ATP8A1: variants seen among roughly 807,000 people sequenced by gnomAD.
ATP8A1 encodes the protein phospholipid-transporting ATPase IA.
Under a neutral mutation model 177.7 loss-of-function variants are expected in ATP8A1, and 90 were observed. The ratio of observed to expected loss-of-function variants is 0.51; its 90% CI spans 0.43 to 0.60. The LOEUF is 0.60. ATP8A1 is among the 20% of genes least tolerant of loss of function. The probability of loss-of-function intolerance (pLI) is 0.00; values close to 1 mark genes in which losing one functional copy is unlikely to be tolerated. For missense variants in ATP8A1, 1,072 were observed against 1,392.8 expected (o/e 0.77, Z 3.67); for synonymous variants, 493 against 485.9 (o/e 1.01, Z -0.19).
intron 1 of ATP8A1, among the ~76,000 whole-genome samples, chr4:42,636,654 G>A (rs1229007031): frequency 1.3e-5 from 2 of 152,052 alleles, no homozygotes; most frequent in African/African-American, 4.8e-5. Flanking sequence ...TCCCTGTACC[G>A]AGTGTTAATG....
chr4:42,615,910 T>C, intron 5 of ATP8A1, 123 bp downstream of exon 5: 1 of 838,858 alleles, frequency 1.2e-6, no homozygotes, highest in East Asian at 2.6e-5. Flanking sequence ...CAAAAATCAA[T>C]CTACCCCAAA....
chr4:42,656,389 A>G (rs1741621267), intron 1 of ATP8A1, among the ~76,000 whole-genome samples: 1 of 152,220 alleles, frequency 6.6e-6, no homozygotes, highest in Admixed American at 6.5e-5. Context: ...CCAAGGGACT[A>G]CGGATCAAAG....
At chr4:42,480,557 C>A (rs889309496) in intron 25 of ATP8A1, among the ~76,000 whole-genome samples, 3 of 152,134 alleles carry the variant, frequency 2.0e-5, no homozygotes, top group Admixed American at 2.0e-4. Flanking sequence ...TTCATTTGTG[C>A]TTTATGACTA....
intron 6 of ATP8A1, among the ~76,000 whole-genome samples, chr4:42,592,456 G>A (rs753352807): frequency 2.6e-5 from 4 of 152,036 alleles, no homozygotes; most frequent in Admixed American, 1.3e-4. Flanking sequence ...CAGTATAGTC[G>A]ATTATCTTCA....
chr4:42,472,051 G>A (rs955581949), intron 25 of ATP8A1: 7 of 720,106 alleles, frequency 9.7e-6, no homozygotes, highest in East Asian at 7.7e-5. Flanking sequence ...TGGCTAGTAC[G>A]TGAATTGGAG....
chr4:42,601,035 T>TTC (rs1383270721), intron 5 of ATP8A1, among the ~76,000 whole-genome samples: 10 of 110,038 alleles, frequency 9.1e-5, no homozygotes, highest in Non-Finnish European at 1.2e-4. Context: ...CAAATTTTCT[T>TTC]TTTTTTTTTT....
intron 33 of ATP8A1, among the ~76,000 whole-genome samples, chr4:42,439,789 G>T (rs1716416908): frequency 6.6e-6 from 1 of 152,144 alleles, no homozygotes; most frequent in Admixed American, 6.5e-5. Context: ...TACCTGCGAG[G>T]ACTGAGGGTC....
At chr4:42,463,462 C>A (rs768032255) in intron 27 of ATP8A1, among the ~76,000 whole-genome samples, 3 of 152,198 alleles carry the variant, frequency 2.0e-5, no homozygotes, top group Non-Finnish European at 4.4e-5. Flanking sequence ...GCCTCCCCAG[C>A]CATGTGGAAC....
At chr4:42,567,771 G>T (rs1731501900) in intron 15 of ATP8A1, among the ~76,000 whole-genome samples, 1 of 152,116 alleles carries the variant, frequency 6.6e-6, no homozygotes, top group South Asian at 2.1e-4. Context: ...GCTCTTTCCA[G>T]CACCAATAAA....
intron 24 of ATP8A1, among the ~76,000 whole-genome samples, chr4:42,491,467 T>C (rs1215210656): frequency 6.6e-6 from 1 of 152,140 alleles, no homozygotes; most frequent in Non-Finnish European, 1.5e-5. Flanking sequence ...TGGCAATCTT[T>C]TTCATTAATA....
chr4:42,636,641 C>A (rs192456101), intron 1 of ATP8A1, among the ~76,000 whole-genome samples: 146 of 152,294 alleles, frequency 9.6e-4, no homozygotes, highest in African/African-American at 3.3e-3. Context: ...CATTAATACA[C>A]CATCCCTGTA....
chr4:42,616,009 GA>G (rs1377627118), intron 5 of ATP8A1, 23 bp downstream of exon 5: 12 of 1,604,854 alleles, frequency 7.5e-6, no homozygotes, highest in Non-Finnish European at 9.4e-6. Flanking sequence ...ACAAATATGA[GA>G]AAAAAGCATG....
chr4:42,427,395 T>C (rs1714747346), intron 33 of ATP8A1, among the ~76,000 whole-genome samples: 1 of 152,184 alleles, frequency 6.6e-6, no homozygotes, highest in Non-Finnish European at 1.5e-5. Flanking sequence ...CAGCAAGTAA[T>C]TAACAACATG....
intron 5 of ATP8A1, among the ~76,000 whole-genome samples, chr4:42,600,861 C>T (rs1735176553): frequency 6.6e-6 from 1 of 151,938 alleles, no homozygotes. Flanking sequence ...ATTTCAGATG[C>T]TACAAGAGTA....
intron 4 of ATP8A1, among the ~76,000 whole-genome samples, chr4:42,621,816 T>C (rs1437863115): frequency 2.0e-5 from 3 of 152,190 alleles, no homozygotes; most frequent in Non-Finnish European, 4.4e-5. Flanking sequence ...TCAATTATGC[T>C]ACCCAACTTC....
chr4:42,629,763 A>C (rs1176441851), intron 1 of ATP8A1, among the ~76,000 whole-genome samples: 1 of 152,222 alleles, frequency 6.6e-6, no homozygotes, highest in Non-Finnish European at 1.5e-5. Context: ...ATTCTGATGA[A>C]GGTACCTGGG....
intron 25 of ATP8A1, among the ~76,000 whole-genome samples, chr4:42,474,648 G>A (rs1180621464): frequency 6.6e-6 from 1 of 152,126 alleles, no homozygotes; most frequent in Non-Finnish European, 1.5e-5. Flanking sequence ...CTCACACGGG[G>A]AATTCCATCA....
chr4:42,640,751 T>C (rs970183081), intron 1 of ATP8A1, among the ~76,000 whole-genome samples: 3 of 152,132 alleles, frequency 2.0e-5, no homozygotes, highest in Admixed American at 2.0e-4. Context: ...TGGGTCACCC[T>C]TGGACTCGGT....
intron 25 of ATP8A1, among the ~76,000 whole-genome samples, chr4:42,471,106 A>G (rs1377986200): frequency 1.3e-5 from 2 of 152,248 alleles, no homozygotes; most frequent in Non-Finnish European, 2.9e-5. Flanking sequence ...AAATATTGTT[A>G]ACTCCTCTAG....
Sources: gnomAD v4.1 joint callset for allele counts (sites outside exome capture counted in the v4.1 genomes callset) on GRCh38, gnomAD v4.1.1 for gene constraint, MANE v1.5 for transcripts, NCBI Gene and HGNC (gene_info 2026-07-23, HGNC 2026-07-21) for gene names.